The following DERL1 variants were observed in gnomAD, a reference collection of about 807,000 sequenced individuals.
DERL1 encodes the protein derlin-1.
A neutral mutation model predicts 41.6 loss-of-function variants in DERL1; 24 were observed. The ratio of observed to expected loss-of-function variants is 0.58; its 90% CI spans 0.42 to 0.81. DERL1 has a LOEUF of 0.81. Ranked by LOEUF, DERL1 falls within the 30% of genes least tolerant of loss-of-function variation. DERL1 has a pLI of 0.00. For synonymous variants in DERL1, 124 were observed against 112.5 expected (o/e 1.10, Z -0.65); for missense variants, 260 against 314.3 (o/e 0.83, Z 1.31).
intron 1 of DERL1, among the ~76,000 whole-genome samples, chr8:123,038,815 AGTAAT>A (rs1812986129): frequency 6.6e-6 from 1 of 152,342 alleles, no homozygotes; most frequent in African/African-American, 2.4e-5. Flanking sequence ...TATTTAGTAA[AGTAAT>A]AAACACAGAA....
chr8:123,023,423 C>T (rs749131452), intron 4 of DERL1, among the ~76,000 whole-genome samples: 19 of 151,982 alleles, frequency 1.3e-4, no homozygotes, highest in Admixed American at 3.9e-4. Flanking sequence ...GGTGTGGTGG[C>T]GTGCATCTAT....
intron 5 of DERL1, 43 bp downstream of exon 5, chr8:123,022,641 G>A (rs749116642): frequency 1.3e-6 from 2 of 1,568,918 alleles, no homozygotes; most frequent in Admixed American, 3.3e-5. Context: ...AGGGATTTCT[G>A]CAGACAAATG....
At chr8:123,016,781 T>A (rs1478086372) in intron 7 of DERL1, 1 of 152,196 alleles carries the variant, frequency 6.6e-6, no homozygotes, top group Non-Finnish European at 1.5e-5. Context: ...CTGGAGTCTG[T>A]TTACATCATA....
At chr8:123,033,603 C>T (rs1380933516) in intron 1 of DERL1, among the ~76,000 whole-genome samples, 2 of 151,926 alleles carry the variant, frequency 1.3e-5, no homozygotes, top group African/African-American at 2.4e-5. Context: ...ATTAGCCGGG[C>T]GTGGTGGCAC....
chr8:123,034,217 C>T (rs1282079677), intron 1 of DERL1, among the ~76,000 whole-genome samples: 1 of 152,158 alleles, frequency 6.6e-6, no homozygotes, highest in Non-Finnish European at 1.5e-5. Context: ...AGGAATGTAA[C>T]CCTCAGAGCT....
At chr8:123,021,585 C>T in intron 5 of DERL1, 86 bp from the exon 6 acceptor site, 1 of 1,198,392 alleles carries the variant, frequency 8.3e-7, no homozygotes, top group Non-Finnish European at 1.2e-6. Context: ...GGTAAGGATA[C>T]ACTGACAAGG....
At chr8:123,021,234 T>TA (rs1814756538) in intron 6 of DERL1, among the ~76,000 whole-genome samples, 1 of 152,190 alleles carries the variant, frequency 6.6e-6, no homozygotes, top group Non-Finnish European at 1.5e-5. Context: ...TGTGTAACAA[T>TA]AAGTTAACAA....
At chr8:123,025,756 C>T (rs1812672842) in intron 2 of DERL1, 1 of 152,202 alleles carries the variant, frequency 6.6e-6, no homozygotes, top group African/African-American at 2.4e-5. Flanking sequence ...CCTCATACTG[C>T]ATCTGGAAGG....
At chr8:123,022,599 G>T in intron 5 of DERL1, 85 bp downstream of exon 5, 1 of 1,328,170 alleles carries the variant, frequency 7.5e-7, no homozygotes, top group Non-Finnish European at 1.1e-6. Context: ...ACCCCTTCTG[G>T]ATGAGTCAGA....
Position 123,015,363 on chromosome 8 carries a change from TG to T in DERL1, c.*83del. 1 of 1,534,132 alleles carries T rather than the reference TG, an allele frequency of 6.5e-7. No individual in the cohort carries two copies. The highest frequency in any genetic ancestry group is 8.8e-7 in the Non-Finnish European group (1 of 1,132,670). ...ATTCAGTGTGGGTCAGGTCCAACAG[TG>T]TTAGCCAGAACGCAGTTGTTAAGTG... On this transcript the variant is annotated 3_prime_UTR_variant, in exon 8 of 8. Transcript: ENST00000259512.
chr8:123,033,747 A>T (rs1751323252), intron 1 of DERL1, among the ~76,000 whole-genome samples: 1 of 152,242 alleles, frequency 6.6e-6, no homozygotes, highest in Admixed American at 6.5e-5. Context: ...ATGTCTTAAC[A>T]AAAAAGAAAA....
chr8:123,017,880 T>C (rs1033690738), intron 7 of DERL1: 4 of 152,224 alleles, frequency 2.6e-5, no homozygotes, highest in African/African-American at 9.6e-5. Flanking sequence ...CTTTGATAAT[T>C]AGAAACCAGA....
chr8:123,040,236 AAAG>A (rs1813018030), intron 1 of DERL1, among the ~76,000 whole-genome samples: 1 of 152,170 alleles, frequency 6.6e-6, no homozygotes. Flanking sequence ...AGAAAGAAAG[AAAG>A]AAAAATGAAG....
At position 123,030,878 on chromosome 8, in the gene DERL1, C is replaced by G. The variant is rs1000486364; in HGVS notation, c.154-162G>C. 1.0e-5 allele frequency: 6 copies of G among 597,818 alleles called. No homozygotes were observed. The African/African-American group carries it at 1.2e-4, about 12-fold the overall frequency. The allele number at this position is 597,818 out of a possible 1,614,324, so 37.0% of individuals were successfully genotyped here. ...AACAACTGAAGAAAAGTGTTCACAC[C>G]AAATACAATCACATCACTTTGCAAA... On this transcript the variant is annotated intron_variant, in intron 1 of 7. Coordinates refer to ENST00000259512, the MANE Select transcript of DERL1 (RefSeq NM_024295.6).
At chr8:123,017,668 C>T (rs147907721) in intron 7 of DERL1, 59 of 152,206 alleles carry the variant, frequency 3.9e-4, no homozygotes, top group African/African-American at 1.3e-3. Flanking sequence ...CTCCAGGGCT[C>T]GCTGATTTTG....
chr8:123,028,188 C>CAA (rs1392877664), intron 2 of DERL1, among the ~76,000 whole-genome samples: 4 of 151,830 alleles, frequency 2.6e-5, no homozygotes, highest in African/African-American at 9.7e-5. Context: ...AAATGAAATG[C>CAA]CTGGCATTTT....
At chr8:123,035,407 C>T (rs1185273504) in intron 1 of DERL1, among the ~76,000 whole-genome samples, 1 of 152,096 alleles carries the variant, frequency 6.6e-6, no homozygotes, top group Non-Finnish European at 1.5e-5. Context: ...CCCATTTTTT[C>T]CTCGACCTGA....
intron 4 of DERL1, 66 bp from the exon 5 acceptor site, chr8:123,022,845 A>G (rs1238691959): frequency 7.4e-7 from 1 of 1,359,808 alleles, no homozygotes; most frequent in Admixed American, 1.7e-5. Flanking sequence ...TACATCTACT[A>G]TGCTTTTTAC....
In DERL1 at chr8:123,028,021, T is replaced by C. The variant is rs112279503; in HGVS notation, c.265+2584A>G. Among the ~76,000 whole-genome samples the C allele has an allele frequency of 8.1e-3, 1,150 of 142,656 alleles. 19 individuals carry two copies. The highest frequency in any genetic ancestry group is 0.028 in the African/African-American group (1,079 of 37,892). The allele number at this position is 142,656 out of a possible 152,430, so 93.6% of individuals were successfully genotyped here. A position where few individuals can be genotyped will look rare whatever the true frequency, so the allele number is the denominator to read the frequency against. Reference sequence around the variant, plus strand: ...AGGTTGCAGTGAGCTGAGATCACGCTACTGCACTCCCCCGACTGGGTGACA... The same window carrying C: ...AGGTTGCAGTGAGCTGAGATCACGCCACTGCACTCCCCCGACTGGGTGACA... On this transcript the variant is annotated intron_variant, in intron 2 of 7. Coordinates refer to ENST00000259512, the MANE Select transcript of DERL1 (RefSeq NM_024295.6).
Sources: gnomAD v4.1 joint callset for allele counts (sites outside exome capture counted in the v4.1 genomes callset) on GRCh38, gnomAD v4.1.1 for gene constraint, MANE v1.5 for transcripts, NCBI Gene and HGNC (gene_info 2026-07-23, HGNC 2026-07-21) for gene names.